RACGAP1: variants seen among roughly 807,000 people sequenced by gnomAD.
The protein encoded by RACGAP1 is Rac GTPase activating protein 1, also known as rac GTPase-activating protein 1.
RACGAP1 carries 30 observed loss-of-function variants against 78.1 expected under a neutral mutation model. The ratio of observed to expected loss-of-function variants is 0.38; its 90% confidence interval spans 0.29 to 0.52. The LOEUF (loss-of-function observed/expected upper bound fraction) is 0.52. Among genes scored for constraint, RACGAP1 ranks in the 20% least tolerant of loss-of-function variants. The probability of loss-of-function intolerance (pLI) is 0.82; values close to 1 mark genes in which losing one functional copy is unlikely to be tolerated. For synonymous variants in RACGAP1, 231 were observed against 264.8 expected (o/e 0.87, Z 1.24); for missense variants, 587 against 777.1 (o/e 0.76, Z 2.91).
At chr12:50,017,712 A>G (rs994768094) in intron 1 of RACGAP1, among the ~76,000 whole-genome samples, 1 of 152,252 alleles carries the variant, frequency 6.6e-6, no homozygotes. Flanking sequence ...TCTCTTAACC[A>G]ATGCTTCAAC....
At chr12:50,000,107 G>A (rs1430183809) in intron 7 of RACGAP1, among the ~76,000 whole-genome samples, 6 of 148,496 alleles carry the variant, frequency 4.0e-5, no homozygotes, top group Admixed American at 1.4e-4. Context: ...TCCACCTCCC[G>A]GGTTCACGCC....
At chr12:50,007,051 CAG>C (rs1365551403) in intron 2 of RACGAP1, among the ~76,000 whole-genome samples, 1 of 152,088 alleles carries the variant, frequency 6.6e-6, no homozygotes, top group Non-Finnish European at 1.5e-5. Context: ...ATTGCTGCAC[CAG>C]AGAGATGTTA....
chr12:50,028,663 T>C (rs1950302913), upstream of RACGAP1, among the ~76,000 whole-genome samples: 1 of 151,754 alleles, frequency 6.6e-6, no homozygotes, highest in Non-Finnish European at 1.5e-5. Context: ...TCCCAGCTAC[T>C]TGGGAGGCTG....
At chr12:49,995,396 G>T (rs1479073026) in intron 10 of RACGAP1, among the ~76,000 whole-genome samples, 1 of 151,898 alleles carries the variant, frequency 6.6e-6, no homozygotes, top group East Asian at 1.9e-4. Context: ...TACAGGCATG[G>T]ATAAGAACTT....
rs901715597 is a variant in RACGAP1, at chr12:50,016,874, T to C, written c.-4-155A>G. ...AGCTAACAACAGATGTTTTGTGTGA[T>C]TCTTATTATAAAAACAAACTTGGAA... On this transcript the variant is annotated intron_variant, in intron 1 of 16. Transcript: ENST00000312377. The C allele has an allele frequency of 1.6e-5, 22 of 1,372,188 alleles. No homozygotes were observed. The African/African-American group carries it at 2.9e-4, about 18-fold the overall frequency. 85.0% of individuals were successfully genotyped at this position (1,372,188 alleles called of 1,614,324 possible). A position where few individuals can be genotyped will look rare whatever the true frequency, so the allele number is the denominator to read the frequency against.
At chr12:49,991,675 G>GA (rs1947890573) in intron 15 of RACGAP1, among the ~76,000 whole-genome samples, 1 of 150,340 alleles carries the variant, frequency 6.7e-6, no homozygotes. Context: ...TTTTAGTAGA[G>GA]ATGGGGTTTC....
chr12:49,999,018 A>C lies in RACGAP1; in HGVS notation c.879+123T>G. ...ACCAATAGTTACTTCTGGAGAGTAAAATTGGAATGAGGAAGGAAATTTGAC... is the reference window on the plus strand; with the variant it reads ...ACCAATAGTTACTTCTGGAGAGTAACATTGGAATGAGGAAGGAAATTTGAC... On this transcript the variant is annotated intron_variant, in intron 9 of 16. Coordinates refer to ENST00000312377, the MANE Select transcript of RACGAP1 (RefSeq NM_001319999.2). 3 of 1,216,092 alleles carry C rather than the reference A, an allele frequency of 2.5e-6. No individual in the cohort carries two copies. In the South Asian group the frequency reaches 5.4e-5, roughly 22 times the overall value. The allele number at this position is 1,216,092 out of a possible 1,614,324, so 75.3% of individuals were successfully genotyped here. A position where few individuals can be genotyped will look rare whatever the true frequency, so the allele number is the denominator to read the frequency against.
chr12:49,991,464 T>TATATATATATATATAG (rs1947842208), intron 15 of RACGAP1, among the ~76,000 whole-genome samples: 2 of 20,714 alleles, frequency 9.7e-5, no homozygotes, highest in South Asian at 3.3e-3. Flanking sequence ...CTATTATATA[T>TATATATATATATATAG]ATATATATAT....
At chr12:49,990,548 A>G (rs1423854716) in intron 16 of RACGAP1, 136 bp downstream of exon 16, 1 of 809,718 alleles carries the variant, frequency 1.2e-6, no homozygotes, top group Non-Finnish European at 2.0e-6. Context: ...AGGAATCCTT[A>G]TAGCCCCACG....
chr12:50,030,568 A>G (rs749415551), intron 2 of RACGAP1, among the ~76,000 whole-genome samples: 4 of 150,818 alleles, frequency 2.7e-5, no homozygotes, highest in Non-Finnish European at 5.9e-5. Context: ...ACATGCCTAT[A>G]ATCCCAGCTA....
At chr12:50,011,239 C>T (rs1430672094) in intron 2 of RACGAP1, among the ~76,000 whole-genome samples, 1 of 149,292 alleles carries the variant, frequency 6.7e-6, no homozygotes, top group Non-Finnish European at 1.5e-5. Flanking sequence ...GAGGCTGAGG[C>T]AGGAGGATCA....
At chr12:50,026,336 T>G (rs942618295), upstream of RACGAP1, among the ~76,000 whole-genome samples, 28 of 150,432 alleles carry the variant, frequency 1.9e-4, 1 homozygote, top group Non-Finnish European at 3.4e-4. Flanking sequence ...TACTGTCACA[T>G]TGGTCCTTAA....
intron 2 of RACGAP1, among the ~76,000 whole-genome samples, chr12:50,010,485 G>A (rs191917090): frequency 6.6e-5 from 10 of 151,790 alleles, no homozygotes; most frequent in Non-Finnish European, 1.2e-4. Flanking sequence ...TACCACGCCC[G>A]GCTAACTTTT....
chr12:49,993,125 A>T (rs1032511166), intron 12 of RACGAP1, among the ~76,000 whole-genome samples: 1 of 152,358 alleles, frequency 6.6e-6, no homozygotes, highest in Non-Finnish European at 1.5e-5. Flanking sequence ...GCAGGCAAGA[A>T]GCTAGAAAGA....
Position 50,009,146 on chromosome 12 carries a change from C to T in RACGAP1, c.86-2510G>A, listed in dbSNP as rs944613945. Among the ~76,000 whole-genome samples, 9 of 149,754 alleles carry T rather than the reference C, an allele frequency of 6.0e-5. No individual in the cohort carries two copies. The South Asian group carries it at 8.5e-4, about 14-fold the overall frequency. ...AAAATTAGCTGGGTGTGGTGGTGTG[C>T]GCCTGTAATCCCAGCTACTCGAGGA... On this transcript the variant is annotated intron_variant, in intron 2 of 16. Coordinates refer to ENST00000312377, the MANE Select transcript of RACGAP1 (RefSeq NM_001319999.2).
intron 12 of RACGAP1, among the ~76,000 whole-genome samples, chr12:49,993,836 G>A (rs1484755128): frequency 2.0e-5 from 3 of 151,484 alleles, no homozygotes; most frequent in Non-Finnish European, 4.4e-5. Flanking sequence ...CACAGGGCAG[G>A]AGATCGAGAC....
upstream of RACGAP1, among the ~76,000 whole-genome samples, chr12:50,026,342 C>T (rs1361146880): frequency 1.3e-5 from 2 of 148,592 alleles, no homozygotes; most frequent in African/African-American, 2.6e-5. Context: ...CACATTGGTC[C>T]TTAATTTAAA....
intron 1 of RACGAP1, among the ~76,000 whole-genome samples, chr12:50,019,115 T>C (rs1349987497): frequency 6.6e-6 from 1 of 152,134 alleles, no homozygotes; most frequent in Admixed American, 6.6e-5. Flanking sequence ...TCACCTCTGG[T>C]TCCTCCCCTT....
chr12:50,016,519 T>A (rs1438385144), intron 2 of RACGAP1, 112 bp downstream of exon 2: 9 of 1,146,130 alleles, frequency 7.9e-6, no homozygotes, highest in African/African-American at 4.6e-5. Flanking sequence ...GCTTTCTTTT[T>A]AGGTAACCCA....
Sources: allele counts gnomAD v4.1 joint callset (sites outside exome capture counted in the v4.1 genomes callset), GRCh38; gene constraint gnomAD v4.1.1; transcripts MANE v1.5; gene names NCBI Gene and HGNC (gene_info 2026-07-23, HGNC 2026-07-21).